The following AFTPH variants were observed in gnomAD, a reference collection of about 807,000 sequenced individuals.
AFTPH encodes the protein aftiphilin, also known as aftiphilin protein.
Under a neutral mutation model 72.5 loss-of-function variants are expected in AFTPH, and 7 were observed. The observed-to-expected ratio is 0.10, with a 90% confidence interval of 0.05 to 0.18. The LOEUF is 0.18. Ranked by LOEUF, AFTPH falls within the 10% of genes least tolerant of loss-of-function variation. The pLI is 1.00. For missense variants in AFTPH, 979 were observed against 1,060.5 expected, an observed-to-expected ratio of 0.92 and a Z score of 1.07; for synonymous variants, 337 against 370.1, an observed-to-expected ratio of 0.91 and a Z score of 1.03.
At chr2:64,544,761 G>A (rs1255905060) in intron 1 of AFTPH, among the ~76,000 whole-genome samples, 1 of 152,090 alleles carries the variant, frequency 6.6e-6, no homozygotes, top group African/African-American at 2.4e-5. Context: ...AAAGTTTTGA[G>A]TCTCCCCTAC....
rs1034039478 is a variant in AFTPH at position 64,589,762 on chromosome 2, T to C, written c.2580-2123T>C. 2.6e-5 allele frequency among the ~76,000 whole-genome samples: 4 copies of C among 152,196 alleles called. 1 individual carries two copies. The South Asian group carries it at 6.2e-4, about 24-fold the overall frequency. Reference sequence around the variant, plus strand: ...ATGGGAAAGTCCATTTAGGTGCGCATTTATTCACTGTTGTTTTAAATAACC... The same window carrying C: ...ATGGGAAAGTCCATTTAGGTGCGCACTTATTCACTGTTGTTTTAAATAACC... On this transcript the variant is annotated intron_variant, in intron 8 of 8. Transcript: ENST00000238856.
At chr2:64,569,098 G>A (rs755957936) in exon 4 of AFTPH, 44 of 1,613,936 alleles carry the variant, frequency 2.7e-5, no homozygotes, top group Non-Finnish European at 3.7e-5. Flanking sequence ...GCAGGGAATT[G>A]CTAGATGTGT....
At chr2:64,572,870 T>G in intron 5 of AFTPH, 76 bp from the exon 6 acceptor site, 1 of 1,560,758 alleles carries the variant, frequency 6.4e-7, no homozygotes, top group South Asian at 1.2e-5. Context: ...TTTTACCTTC[T>G]TCTTTCTGAT....
chr2:64,579,621 T>C (rs1207409541), intron 7 of AFTPH, 75 bp downstream of exon 7: 1 of 1,305,956 alleles, frequency 7.7e-7, no homozygotes, highest in Admixed American at 1.9e-5. Context: ...AACTTCTCTC[T>C]GCTGATTTCC....
chr2:64,528,506 A>C (rs1164833719), intron 1 of AFTPH, among the ~76,000 whole-genome samples: 1 of 152,234 alleles, frequency 6.6e-6, no homozygotes, highest in Non-Finnish European at 1.5e-5. Flanking sequence ...GATGATGTTA[A>C]GTATCATCAG....
chr2:64,559,373 T>G (rs1671579884), intron 2 of AFTPH, among the ~76,000 whole-genome samples: 1 of 152,132 alleles, frequency 6.6e-6, no homozygotes, highest in Non-Finnish European at 1.5e-5. Flanking sequence ...AAAGCCACAG[T>G]GCATAAGCTG....
chr2:64,582,631 G>A (rs985455924), intron 7 of AFTPH, among the ~76,000 whole-genome samples: 3 of 152,112 alleles, frequency 2.0e-5, no homozygotes, highest in African/African-American at 7.2e-5. Flanking sequence ...CGGGGGGGTA[G>A]GAGGGACAAC....
At chr2:64,535,748 G>T (rs943299180) in intron 1 of AFTPH, among the ~76,000 whole-genome samples, 3 of 143,872 alleles carry the variant, frequency 2.1e-5, no homozygotes, top group Non-Finnish European at 4.5e-5. Flanking sequence ...GGACATATAA[G>T]AACAATACAT....
Position 64,548,407 on chromosome 2 carries a change from GAAAAAAAAAAAAA to G in AFTPH, c.-32-3020_-32-3008del, listed in dbSNP as rs57995634. 3.7e-4 allele frequency among the ~76,000 whole-genome samples: 22 copies of G among 59,990 alleles called. 1 individual carries two copies. Among genetic ancestry groups the G allele is most frequent in the Non-Finnish European group, 4.7e-4 (14 of 30,092 alleles). 39.4% of individuals were successfully genotyped at this position (59,990 alleles called of 152,430 possible). ...AGAGCGAGACTCCGTCTCAAAAAAA[GAAAAAAAAAAAAA>G]AAAAAAAAAAAAAAACTTTAGAAAA... On this transcript the variant is annotated intron_variant, in intron 1 of 8. Transcript: ENST00000238856.
chr2:64,567,393 AGT>A (rs930734576), intron 2 of AFTPH, among the ~76,000 whole-genome samples, 167 bp from the exon 3 acceptor site: 4 of 152,108 alleles, frequency 2.6e-5, no homozygotes, highest in African/African-American at 9.7e-5. Flanking sequence ...AATCATTTAG[AGT>A]GATTGTTTCA....
chr2:64,564,075 T>C (rs1671903543), intron 2 of AFTPH, among the ~76,000 whole-genome samples: 1 of 152,204 alleles, frequency 6.6e-6, no homozygotes, highest in Non-Finnish European at 1.5e-5. Context: ...CTCTTAAAAA[T>C]AGATACTCTT....
exon 1 of AFTPH, chr2:64,524,359 G>T (rs1379761573): frequency 7.5e-6 from 3 of 402,114 alleles, no homozygotes; most frequent in South Asian, 1.1e-4. Context: ...TGGAGTGGGC[G>T]GGGGGTCTCC....
intron 8 of AFTPH, among the ~76,000 whole-genome samples, chr2:64,587,458 G>A (rs1285960441): frequency 6.6e-6 from 1 of 152,218 alleles, no homozygotes; most frequent in East Asian, 1.9e-4. Context: ...CAGGCTGGTA[G>A]CATAATTTCA....
intron 1 of AFTPH, among the ~76,000 whole-genome samples, chr2:64,526,484 A>T (rs1669272701): frequency 1.3e-5 from 2 of 152,206 alleles, no homozygotes; most frequent in Admixed American, 1.3e-4. Flanking sequence ...TTTAAATAAA[A>T]TGTTTATATT....
At chr2:64,584,203 A>G (rs1673368756) in intron 7 of AFTPH, among the ~76,000 whole-genome samples, 3 of 151,950 alleles carry the variant, frequency 2.0e-5, no homozygotes, top group African/African-American at 4.8e-5. Context: ...TTTACTCTGA[A>G]TATTATTCAA....
At chr2:64,586,849 T>C (rs1673548531) in intron 8 of AFTPH, among the ~76,000 whole-genome samples, 1 of 152,136 alleles carries the variant, frequency 6.6e-6, no homozygotes, top group South Asian at 2.1e-4. Flanking sequence ...TAGAAAAAAA[T>C]GGATGAGAAA....
chr2:64,579,117 C>T (rs532951756), intron 6 of AFTPH: 1 of 165,248 alleles, frequency 6.1e-6, no homozygotes, highest in Admixed American at 6.4e-5. Context: ...AGACCTTAGA[C>T]TTTGAATCTT....
intron 4 of AFTPH, 70 bp downstream of exon 4, chr2:64,569,288 T>C (rs191234922): frequency 1.5e-5 from 23 of 1,526,180 alleles, no homozygotes; most frequent in Middle Eastern, 1.8e-4. Context: ...GTCATACTTC[T>C]GTTTAAGCTG....
In AFTPH at chr2:64,579,493, T is replaced by C. The variant is rs1474355233; in HGVS notation, c.2402T>C (p.Leu801Pro). The change falls in exon 7 of 9, where the codon CTA becomes CCA. Residue 801 changes from leucine (L) to proline (P), a missense_variant. Coordinates refer to ENST00000238856, the Ensembl canonical transcript of AFTPH. ...TTTGGTTTTCAACTCTAGGAGTCTC[T>C]ACCACCCGTCCAGTTTGACTGGAGT... 3.1e-6 allele frequency: 5 copies of C among 1,613,846 alleles called. No homozygotes were observed. The highest frequency in any genetic ancestry group is 4.2e-6 in the Non-Finnish European group (5 of 1,179,784).
Sources: allele counts gnomAD v4.1 joint callset (sites outside exome capture counted in the v4.1 genomes callset), GRCh38; gene constraint gnomAD v4.1.1; transcripts MANE v1.5; gene names NCBI Gene and HGNC (gene_info 2026-07-23, HGNC 2026-07-21).